Variants in YAP1 observed in about 807,000 individuals in gnomAD.
The protein encoded by YAP1 is transcriptional coactivator YAP1.
YAP1 carries 5 observed loss-of-function variants against 56.9 expected under a neutral mutation model. The observed-to-expected ratio is 0.09, with a 90% CI of 0.05 to 0.18. YAP1 has a LOEUF of 0.18. YAP1 is among the 10% of genes least tolerant of loss of function. YAP1 has a pLI of 1.00. For missense variants in YAP1, 539 were observed against 651.8 expected, an observed-to-expected ratio of 0.83 and a Z score of 1.88; for synonymous variants, 265 against 248.1, an observed-to-expected ratio of 1.07 and a Z score of -0.64.
At chr11:102,121,248 G>A (rs548726767) in intron 2 of YAP1, among the ~76,000 whole-genome samples, 6 of 152,192 alleles carry the variant, frequency 3.9e-5, no homozygotes, top group Admixed American at 1.3e-4. Context: ...GACCAGCCTG[G>A]GCAATGTAGC....
intron 2 of YAP1, among the ~76,000 whole-genome samples, chr11:102,123,880 G>A (rs1356334702): frequency 6.6e-6 from 1 of 151,616 alleles, no homozygotes; most frequent in Admixed American, 6.6e-5. Context: ...GCCCACCTTG[G>A]CCTCCCAAAG....
At chr11:102,119,749 A>C (rs1018546813) in intron 2 of YAP1, among the ~76,000 whole-genome samples, 1 of 152,146 alleles carries the variant, frequency 6.6e-6, no homozygotes, top group Admixed American at 6.6e-5. Flanking sequence ...TCACAGCTTA[A>C]AATACTCAGG....
chr11:102,221,308 GA>G (rs1949916426), intron 6 of YAP1, among the ~76,000 whole-genome samples: 1 of 152,164 alleles, frequency 6.6e-6, no homozygotes, highest in African/African-American at 2.4e-5. Context: ...TCCCTCTCAG[GA>G]CATTGGTGTT....
chr11:102,223,222 T>TGGTGACAGAG (rs1950032429), intron 6 of YAP1, among the ~76,000 whole-genome samples: 1 of 143,352 alleles, frequency 7.0e-6, no homozygotes, highest in African/African-American at 2.6e-5. Flanking sequence ...CACTCCAGCC[T>TGGTGACAGAG]GGTGACAGAG....
chr11:102,183,803 G>A (rs1309442898), intron 3 of YAP1, among the ~76,000 whole-genome samples: 3 of 151,804 alleles, frequency 2.0e-5, no homozygotes, highest in East Asian at 1.9e-4. Context: ...AGGGCCGGGC[G>A]CGGTGGCTCA....
At chr11:102,202,896 T>C (rs1948946877) in intron 4 of YAP1, among the ~76,000 whole-genome samples, 1 of 152,188 alleles carries the variant, frequency 6.6e-6, no homozygotes, top group Non-Finnish European at 1.5e-5. Flanking sequence ...AAAATTGTGA[T>C]CAGGCCTCTA....
intron 2 of YAP1, among the ~76,000 whole-genome samples, chr11:102,119,642 GAA>G (rs60814352): frequency 0.39 from 56,011 of 142,420 alleles, 10,713 homozygotes; most frequent in Admixed American, 0.46. Context: ...TTGAAACTTG[GAA>G]AAAAAAAAAA....
chr11:102,120,212 C>T (rs965900418), intron 2 of YAP1, among the ~76,000 whole-genome samples: 6 of 152,208 alleles, frequency 3.9e-5, no homozygotes, highest in African/African-American at 1.4e-4. Flanking sequence ...ACCGTGGAAG[C>T]ACTTTTATTT....
In YAP1 at chr11:102,110,930, G is replaced by C. The variant is rs1942855577; in HGVS notation, c.82G>C (p.Gly28Arg). The C allele has an allele frequency of 3.4e-6, 5 of 1,464,766 alleles. No individual in the cohort carries two copies. The highest frequency in any genetic ancestry group is 3.6e-6 in the Non-Finnish European group (4 of 1,111,736). 90.7% of individuals were successfully genotyped at this position (1,464,766 alleles called of 1,614,324 possible). A position where few individuals can be genotyped will look rare whatever the true frequency, so the allele number is the denominator to read the frequency against. ...QPPSQPPQGQ[G>R]PPSGPGQPAP... ...GCCTTCGCAGCCCCCGCAGGGGCAG[G>C]GCCCGCCGTCCGGACCCGGGCAACC... is the stretch of plus-strand genomic sequence containing the variant. Residue 28 changes from glycine to arginine, a missense_variant, in exon 1 of 9, where the codon GGC becomes CGC. Transcript: ENST00000282441.
chr11:102,111,263 AG>A, intron 1 of YAP1, 94 bp downstream of exon 1: 1 of 1,464,980 alleles, frequency 6.8e-7, no homozygotes, highest in East Asian at 2.5e-5. Flanking sequence ...TGGTCAGGGG[AG>A]GGGGGTTGCG....
chr11:102,150,276 G>A (rs1447253818), intron 2 of YAP1, among the ~76,000 whole-genome samples: 8 of 152,060 alleles, frequency 5.3e-5, no homozygotes, highest in Admixed American at 3.3e-4. Context: ...GAGCCACTGC[G>A]CCCAGCCTGC....
intron 1 of YAP1, 122 bp downstream of exon 1, chr11:102,111,291 T>A: frequency 8.3e-7 from 1 of 1,208,104 alleles, no homozygotes; most frequent in Non-Finnish European, 1.1e-6. Context: ...CTAGCTGGGG[T>A]GGGGGTCCCG....
intron 2 of YAP1, among the ~76,000 whole-genome samples, chr11:102,143,990 G>A (rs941613435): frequency 4.6e-5 from 7 of 152,178 alleles, no homozygotes; most frequent in African/African-American, 1.7e-4. Flanking sequence ...GACGTGTAAA[G>A]AAAACTAAGC....
intron 2 of YAP1, among the ~76,000 whole-genome samples, chr11:102,147,003 G>A (rs762747435): frequency 1.3e-5 from 2 of 152,090 alleles, no homozygotes; most frequent in African/African-American, 2.4e-5. Context: ...TTTGTGCTAG[G>A]CACTGCTTTA....
rs1947721577 is a variant in YAP1, at chr11:102,183,069, A to G, written c.689-2949A>G. Among the ~76,000 whole-genome samples, 3 of 152,258 alleles carry G rather than the reference A, an allele frequency of 2.0e-5. No individual in the cohort carries two copies. In the South Asian group the frequency reaches 6.2e-4, roughly 31 times the overall value. On this transcript the variant is annotated intron_variant, in intron 3 of 8. Coordinates refer to ENST00000282441, the MANE Select transcript of YAP1 (RefSeq NM_001130145.3). ...ATGACTTGATCATTGCCAGGAGAAC[A>G]GATATGTAATCAAGTAATTACAATT...
intron 6 of YAP1, among the ~76,000 whole-genome samples, chr11:102,213,142 A>T (rs1949490634): frequency 6.6e-6 from 1 of 152,212 alleles, no homozygotes; most frequent in African/African-American, 2.4e-5. Context: ...TTGAGGAAAG[A>T]TAGTCCCCCC....
Position 102,228,229 on chromosome 11 carries a change from C to T in YAP1, c.1276+648C>T, listed in dbSNP as rs141267537. Among the ~76,000 whole-genome samples, 272 of 152,122 alleles carry T rather than the reference C, an allele frequency of 1.8e-3. 2 individuals are homozygous for T. Among genetic ancestry groups the T allele is most frequent in the African/African-American group, 6.3e-3 (263 of 41,498 alleles). On this transcript the variant is annotated intron_variant, in intron 8 of 8. Transcript: ENST00000282441. The stretch of plus-strand genomic sequence containing the variant: ...TTTTGAGAGATGTCTACATGTAATT[C>T]AGTGTTTGTCTTCATCTTTTCTCTA...
intron 3 of YAP1, among the ~76,000 whole-genome samples, chr11:102,184,466 G>A (rs1947840642): frequency 6.6e-6 from 1 of 152,214 alleles, no homozygotes; most frequent in African/African-American, 2.4e-5. Flanking sequence ...TTAGTAGTGT[G>A]TACTACACAT....
intron 4 of YAP1, among the ~76,000 whole-genome samples, chr11:102,187,355 A>T (rs1335947111): frequency 1.4e-5 from 1 of 72,634 alleles, no homozygotes; most frequent in Non-Finnish European, 3.2e-5. Context: ...AAGCTTCAAG[A>T]CCTGTTTGGG....
Sources: allele counts gnomAD v4.1 joint callset (sites outside exome capture counted in the v4.1 genomes callset), GRCh38; gene constraint gnomAD v4.1.1; transcripts MANE v1.5; gene names NCBI Gene and HGNC (gene_info 2026-07-23, HGNC 2026-07-21).